CPNE4: variants seen among roughly 807,000 people sequenced by gnomAD.
CPNE4 encodes the protein copine 4.
Under a neutral mutation model 67.9 loss-of-function variants are expected in CPNE4, and 25 were observed. The ratio of observed to expected loss-of-function variants is 0.37; its 90% CI spans 0.27 to 0.51. The LOEUF (loss-of-function observed/expected upper bound fraction) is 0.51, where lower values mean the gene tolerates loss of function less well. CPNE4 is among the 20% of genes least tolerant of loss of function. The pLI is 0.93. For synonymous variants in CPNE4, 242 were observed against 244.9 expected, an observed-to-expected ratio of 0.99 and a Z score of 0.11; for missense variants, 464 against 690.8, an observed-to-expected ratio of 0.67 and a Z score of 3.68.
chr3:131,736,425 T>A (rs976007062), intron 2 of CPNE4, among the ~76,000 whole-genome samples: 1 of 151,844 alleles, frequency 6.6e-6, no homozygotes, highest in African/African-American at 2.4e-5. Context: ...ATTGAGACCA[T>A]GCTGGCCAGC....
intron 2 of CPNE4, among the ~76,000 whole-genome samples, chr3:131,870,056 T>C (rs1222751634): frequency 7.9e-5 from 12 of 151,982 alleles, no homozygotes; most frequent in Non-Finnish European, 2.9e-5. Flanking sequence ...ATAGGGAAGG[T>C]TCCTCAAGGA....
In CPNE4 at chr3:131,893,686, GAAA is replaced by G. The variant is rs2088207698; in HGVS notation, c.180+11575_180+11577del. On this transcript the variant is annotated intron_variant, in intron 2 of 15. Transcript: ENST00000429747. ...GCTTCAGAAACTGTACAAATACATG[GAAA>G]TTAAACAGCACGCTCTTAAACAACC... is the stretch of plus-strand genomic sequence containing the variant. 2.0e-5 allele frequency among the ~76,000 whole-genome samples: 3 copies of G among 151,792 alleles called. No individual in the cohort carries two copies. In the South Asian group the frequency reaches 6.2e-4, roughly 31 times the overall value.
chr3:131,801,849 C>A (rs1583223865), intron 2 of CPNE4, among the ~76,000 whole-genome samples: 1 of 108,114 alleles, frequency 9.2e-6, no homozygotes, highest in East Asian at 3.1e-4. Context: ...TGCCTCCAAG[C>A]CGCGCTAGGA....
chr3:131,569,261 G>A (rs930791724), intron 10 of CPNE4, among the ~76,000 whole-genome samples: 46 of 151,922 alleles, frequency 3.0e-4, no homozygotes, highest in African/African-American at 1.0e-3. Context: ...TGTTCAATCT[G>A]GGATGTAAAA....
intron 12 of CPNE4, among the ~76,000 whole-genome samples, chr3:131,553,938 G>C (rs534569215): frequency 1.3e-5 from 2 of 152,076 alleles, no homozygotes; most frequent in Non-Finnish European, 2.9e-5. Context: ...ATAACCAGGG[G>C]ATTTTGCTGA....
chr3:131,728,685 C>A (rs578223737), intron 2 of CPNE4, among the ~76,000 whole-genome samples: 1 of 151,504 alleles, frequency 6.6e-6, no homozygotes, highest in Non-Finnish European at 1.5e-5. Flanking sequence ...CCGAGGCGGG[C>A]GGATCACGAG....
chr3:131,801,916 A>T (rs2084146555), intron 2 of CPNE4, among the ~76,000 whole-genome samples: 1 of 140,790 alleles, frequency 7.1e-6, no homozygotes, highest in South Asian at 2.5e-4. Context: ...AGACAGGGAC[A>T]CTGCTAGGGT....
intron 1 of CPNE4, among the ~76,000 whole-genome samples, chr3:131,929,921 A>G (rs918289833): frequency 9.9e-5 from 15 of 152,192 alleles, no homozygotes; most frequent in African/African-American, 3.4e-4. Context: ...TTGTGTATCA[A>G]TGGGCAATCA....
intron 2 of CPNE4, among the ~76,000 whole-genome samples, chr3:131,837,924 C>G (rs1278956094): frequency 1.3e-5 from 2 of 151,876 alleles, no homozygotes; most frequent in East Asian, 3.9e-4. Flanking sequence ...ATTAAATTCA[C>G]TCATTTCAAG....
intron 7 of CPNE4, among the ~76,000 whole-genome samples, chr3:131,614,820 C>G (rs566757335): frequency 1.5e-4 from 23 of 152,152 alleles, no homozygotes; most frequent in Non-Finnish European, 3.1e-4. Flanking sequence ...CAATAGTTAC[C>G]TTGTTCTTAA....
chr3:131,595,831 A>G (rs1251585097), intron 7 of CPNE4, among the ~76,000 whole-genome samples: 1 of 152,210 alleles, frequency 6.6e-6, no homozygotes, highest in African/African-American at 2.4e-5. Context: ...GAATATCCAA[A>G]CCATATCAGG....
At position 131,563,145 on chromosome 3, in the gene CPNE4, C is replaced by A. The variant is rs57319691; in HGVS notation, c.1061+1071G>T. ...TCAGTTCCCATGGTGTGGAGGATAA[C>A]AGGTTTTTAGTATGATTATCACCAA... On this transcript the variant is annotated intron_variant, in intron 11 of 15. Transcript: ENST00000429747. Among the ~76,000 whole-genome samples, 522 of 152,110 alleles carry A rather than the reference C, an allele frequency of 3.4e-3. 2 individuals are homozygous for A. Among genetic ancestry groups the A allele is most frequent in the African/African-American group, 0.012 (493 of 41,542 alleles).
chr3:131,610,552 A>G (rs779472260), intron 7 of CPNE4, among the ~76,000 whole-genome samples: 26 of 152,138 alleles, frequency 1.7e-4, no homozygotes, highest in Non-Finnish European at 3.5e-4. Flanking sequence ...CAAGGTTTAA[A>G]TGTTGTTCAT....
intron 3 of CPNE4, among the ~76,000 whole-genome samples, chr3:131,705,588 G>A (rs1229367432): frequency 1.3e-5 from 2 of 152,160 alleles, no homozygotes; most frequent in African/African-American, 2.4e-5. Context: ...AGGGTGATGT[G>A]CATGTGTGTC....
intron 7 of CPNE4, among the ~76,000 whole-genome samples, chr3:131,653,556 T>C (rs2079870816): frequency 6.6e-6 from 1 of 152,114 alleles, no homozygotes; most frequent in African/African-American, 2.4e-5. Flanking sequence ...TATGACCACA[T>C]CACTCCTCTG....
chr3:132,015,199 G>A (rs2073862064), intron 1 of CPNE4, among the ~76,000 whole-genome samples: 1 of 151,822 alleles, frequency 6.6e-6, no homozygotes, highest in African/African-American at 2.4e-5. Flanking sequence ...ACATCTCTGG[G>A]CTTAGGTTTT....
At chr3:131,769,334 A>G (rs1172760965) in intron 2 of CPNE4, among the ~76,000 whole-genome samples, 1 of 152,164 alleles carries the variant, frequency 6.6e-6, no homozygotes, top group Non-Finnish European at 1.5e-5. Context: ...CTTCCTCTGA[A>G]AAACTATGAG....
intron 7 of CPNE4, among the ~76,000 whole-genome samples, chr3:131,648,032 C>G (rs1397793722): frequency 6.6e-6 from 1 of 152,146 alleles, no homozygotes; most frequent in African/African-American, 2.4e-5. Context: ...AGGATAGGTG[C>G]TCTAAGGATT....
At chr3:131,648,584 T>C (rs1016265404) in intron 7 of CPNE4, among the ~76,000 whole-genome samples, 2 of 152,220 alleles carry the variant, frequency 1.3e-5, no homozygotes, top group African/African-American at 4.8e-5. Context: ...AGACAGATGG[T>C]ACTTAAAAGA....
Sources: allele counts gnomAD v4.1 joint callset (sites outside exome capture counted in the v4.1 genomes callset), GRCh38; gene constraint gnomAD v4.1.1; transcripts MANE v1.5; gene names NCBI Gene and HGNC (gene_info 2026-07-23, HGNC 2026-07-21).